The following LRRC7 variants were observed in gnomAD, a reference collection of about 807,000 sequenced individuals.
The protein encoded by LRRC7 is leucine-rich repeat-containing protein 7.
In LRRC7, 23 loss-of-function variants were observed where a neutral mutation model predicts 175.7. The ratio of observed to expected loss-of-function variants is 0.13; its 90% CI spans 0.09 to 0.19. The LOEUF is 0.19. Among genes scored for constraint, LRRC7 ranks in the 10% least tolerant of loss-of-function variants. The pLI, the probability that LRRC7 is intolerant of heterozygous loss-of-function variation, is 1.00. For synonymous variants in LRRC7, 685 were observed against 680.9 expected (o/e 1.01, Z -0.09); for missense variants, 1,354 against 1,904.7 (o/e 0.71, Z 5.38).
Position 69,980,473 on chromosome 1 carries a change from AC to A in LRRC7, c.786+22del. 6.5e-7 allele frequency: 1 copy of A among 1,529,300 alleles called. No homozygotes were observed. Among genetic ancestry groups the A allele is most frequent in the African/African-American group, 1.4e-5 (1 of 72,910 alleles). 94.7% of individuals were successfully genotyped at this position (1,529,300 alleles called of 1,614,324 possible). On this transcript the variant is annotated intron_variant, in intron 9 of 26. Transcript: ENST00000651989. ...CCTGGGGTATGTAAGTTTTTATTCTACCATGTTGTTTAATATTTGTTATACG... is the reference window on the plus strand; with the variant it reads ...CCTGGGGTATGTAAGTTTTTATTCTACATGTTGTTTAATATTTGTTATACG...
chr1:69,656,477 G>A (rs754833968), intron 1 of LRRC7, among the ~76,000 whole-genome samples: 3 of 151,964 alleles, frequency 2.0e-5, no homozygotes, highest in African/African-American at 4.8e-5. Flanking sequence ...GTAGACTAAT[G>A]CTGTTTTGAA....
intron 1 of LRRC7, among the ~76,000 whole-genome samples, chr1:69,590,309 G>A (rs1185838676): frequency 6.6e-6 from 1 of 152,204 alleles, no homozygotes; most frequent in Non-Finnish European, 1.5e-5. Context: ...GGCTAATAAT[G>A]TCTATATCAT....
chr1:69,673,288 G>T (rs893199424), intron 1 of LRRC7, among the ~76,000 whole-genome samples: 1 of 152,204 alleles, frequency 6.6e-6, no homozygotes, highest in East Asian at 1.9e-4. Flanking sequence ...CATCAAGAAT[G>T]TCATGGACAC....
At chr1:70,056,271 A>G (rs76605483) in intron 23 of LRRC7, among the ~76,000 whole-genome samples, 116 of 152,300 alleles carry the variant, frequency 7.6e-4, no homozygotes, top group African/African-American at 2.7e-3. Context: ...GAACACCAAC[A>G]TTTAAGACAT....
intron 7 of LRRC7, among the ~76,000 whole-genome samples, chr1:69,865,494 T>TTTTTTTTA (rs869255098): frequency 7.7e-6 from 1 of 130,300 alleles, no homozygotes; most frequent in Non-Finnish European, 1.6e-5. Context: ...TTTTTTTTTT[T>TTTTTTTTA]GAAACGGAGT....
intron 8 of LRRC7, among the ~76,000 whole-genome samples, chr1:69,979,824 A>C (rs555866683): frequency 6.6e-6 from 1 of 151,956 alleles, no homozygotes. Flanking sequence ...TGGTGCAAAC[A>C]TAATTGCCGT....
intron 11 of LRRC7, among the ~76,000 whole-genome samples, chr1:69,998,720 A>C (rs2101923075): frequency 6.6e-6 from 1 of 152,336 alleles, no homozygotes; most frequent in Non-Finnish European, 1.5e-5. Context: ...CAAATTAAAA[A>C]GCATCAGTAG....
At chr1:70,000,203 GATAGTGATA>G (rs760682615) in intron 11 of LRRC7, among the ~76,000 whole-genome samples, 19 of 152,188 alleles carry the variant, frequency 1.2e-4, no homozygotes, top group Non-Finnish European at 2.8e-4. Flanking sequence ...CAGGCCTGAT[GATAGTGATA>G]ATACGGTCAT....
chr1:69,678,599 G>T, intron 2 of LRRC7, 121 bp downstream of exon 2: 1 of 678,246 alleles, frequency 1.5e-6, no homozygotes, highest in Non-Finnish European at 2.5e-6. Flanking sequence ...GAGTCGAGTT[G>T]GTCTTTTAAA....
chr1:70,070,081 C>T (rs1388723414), intron 23 of LRRC7, among the ~76,000 whole-genome samples: 1 of 152,104 alleles, frequency 6.6e-6, no homozygotes, highest in East Asian at 1.9e-4. Flanking sequence ...GCAGCCTGGA[C>T]CTCCTGAGCT....
At chr1:69,658,988 A>G (rs1657048496) in intron 1 of LRRC7, among the ~76,000 whole-genome samples, 1 of 152,062 alleles carries the variant, frequency 6.6e-6, no homozygotes, top group Non-Finnish European at 1.5e-5. Context: ...AGAGGTTACA[A>G]GAAATTGGAG....
At chr1:70,023,072 T>G in intron 16 of LRRC7, 54 bp from the exon 17 acceptor site, 1 of 1,371,130 alleles carries the variant, frequency 7.3e-7, no homozygotes, top group Non-Finnish European at 9.5e-7. Flanking sequence ...AAAGTGAAAG[T>G]ATTGCTACAG....
At position 70,078,830 on chromosome 1, in the gene LRRC7, A is replaced by G. The variant is rs867050785; in HGVS notation, c.4452+2532A>G. ...CGCGCGCACACACACACACGCACAC[A>G]CACACACACACACACACACACACTC... On this transcript the variant is annotated intron_variant, in intron 24 of 26. Transcript: ENST00000651989. Among the ~76,000 whole-genome samples, 1,318 of 149,590 alleles carry G rather than the reference A, an allele frequency of 8.8e-3. 11 individuals are homozygous for G. The highest frequency in any genetic ancestry group is 0.017 in the African/African-American group (674 of 40,696).
At chr1:69,596,651 G>A (rs1428354939) in intron 1 of LRRC7, among the ~76,000 whole-genome samples, 2 of 152,140 alleles carry the variant, frequency 1.3e-5, no homozygotes, top group African/African-American at 2.4e-5. Flanking sequence ...TTTGAATATT[G>A]GAAAAATCTG....
At chr1:69,812,304 T>A (rs970934701) in intron 4 of LRRC7, among the ~76,000 whole-genome samples, 8 of 152,170 alleles carry the variant, frequency 5.3e-5, no homozygotes, top group Non-Finnish European at 1.2e-4. Context: ...CAGGTTAATA[T>A]GATAGCGTTT....
rs17131189 is a variant in LRRC7 at position 70,086,069 on chromosome 1, A to T, written c.4453-3658A>T. Among the ~76,000 whole-genome samples, 30 of 152,088 alleles carry T rather than the reference A, an allele frequency of 2.0e-4. 1 individual carries two copies. In the South Asian group the frequency reaches 5.4e-3, roughly 27 times the overall value. On this transcript the variant is annotated intron_variant, in intron 24 of 26. Transcript: ENST00000651989. ...GTATTTTAACAAGGAGTCATCGTAT[A>T]CTTTTTATTAAGGAAGGCAGGGAGA...
At chr1:69,934,201 G>A (rs781019312) in intron 8 of LRRC7, among the ~76,000 whole-genome samples, 7 of 152,196 alleles carry the variant, frequency 4.6e-5, no homozygotes, top group East Asian at 1.9e-4. Flanking sequence ...TATTGACACC[G>A]TAGGAGATTA....
intron 4 of LRRC7, among the ~76,000 whole-genome samples, chr1:69,814,139 G>A (rs932368814): frequency 6.6e-6 from 1 of 151,986 alleles, no homozygotes; most frequent in Non-Finnish European, 1.5e-5. Context: ...TTTGTCTAAT[G>A]ACATATCTAA....
chr1:70,041,524 C>T (rs1444251716), intron 21 of LRRC7, among the ~76,000 whole-genome samples: 1 of 152,186 alleles, frequency 6.6e-6, no homozygotes, highest in East Asian at 1.9e-4. Flanking sequence ...AGTATACCCT[C>T]CATGTAGACA....
Sources: gnomAD v4.1 joint callset for allele counts (sites outside exome capture counted in the v4.1 genomes callset) on GRCh38, gnomAD v4.1.1 for gene constraint, MANE v1.5 for transcripts, NCBI Gene and HGNC (gene_info 2026-07-23, HGNC 2026-07-21) for gene names.